Variants in HCN1 observed in about 807,000 individuals in gnomAD.
HCN1 encodes the protein potassium/sodium hyperpolarization-activated cyclic nucleotide-gated channel 1.
A neutral mutation model predicts 78.9 loss-of-function variants in HCN1; 13 were observed. That is an observed-to-expected ratio of 0.16 (90% confidence interval 0.11 to 0.26). The LOEUF is 0.26. HCN1 is among the 10% of genes least tolerant of loss of function. The pLI, the probability that HCN1 is intolerant of heterozygous loss-of-function variation, is 1.00. For missense variants in HCN1, 810 were observed against 1,154.3 expected, an observed-to-expected ratio of 0.70 and a Z score of 4.32; for synonymous variants, 552 against 455.5, an observed-to-expected ratio of 1.21 and a Z score of -2.70.
At chr5:45,489,377 G>A (rs1454146492) in intron 2 of HCN1, among the ~76,000 whole-genome samples, 3 of 152,126 alleles carry the variant, frequency 2.0e-5, no homozygotes, top group East Asian at 1.9e-4. Context: ...GACCAATAGT[G>A]GGGAATCCCT....
chr5:45,657,575 T>G (rs1490628855), intron 1 of HCN1, among the ~76,000 whole-genome samples: 1 of 152,192 alleles, frequency 6.6e-6, no homozygotes, highest in Non-Finnish European at 1.5e-5. Context: ...TTGCACATTT[T>G]GGCTCACTTT....
chr5:45,361,941 A>C (rs1203565119), intron 4 of HCN1, among the ~76,000 whole-genome samples: 2 of 152,148 alleles, frequency 1.3e-5, no homozygotes, highest in Non-Finnish European at 2.9e-5. Flanking sequence ...TTACTAAACA[A>C]GTAAATTGTC....
At chr5:45,629,135 A>G (rs1415149964) in intron 2 of HCN1, among the ~76,000 whole-genome samples, 1 of 152,164 alleles carries the variant, frequency 6.6e-6, no homozygotes, top group African/African-American at 2.4e-5. Flanking sequence ...CACCAAGAGG[A>G]CATAACAATC....
chr5:45,256,741 A>AAATTTTTTTTC lies in HCN1; in HGVS notation c.*5169_*5179dup, dbSNP rs1744623936. 1 of 152,144 alleles carries AAATTTTTTTTC rather than the reference A, an allele frequency of 6.6e-6. No homozygotes were observed. The highest frequency in any genetic ancestry group is 1.5e-5 in the Non-Finnish European group (1 of 68,032). The allele number at this position is 152,144 out of a possible 1,614,324, so 9.4% of individuals were successfully genotyped here. On this transcript the variant is annotated 3_prime_UTR_variant, in exon 8 of 8. Transcript: ENST00000303230. ...GTAAGTATATACTGGTCAATTAAAA[A>AAATTTTTTTTC]AATTTTTTTTCCTTGTAGAGACCAG...
At chr5:45,369,655 T>C (rs1747312330) in intron 4 of HCN1, among the ~76,000 whole-genome samples, 1 of 152,096 alleles carries the variant, frequency 6.6e-6, no homozygotes, top group Non-Finnish European at 1.5e-5. Context: ...ATTAGAATAA[T>C]ACAGATTATA....
chr5:45,620,483 T>C (rs1745037317), intron 2 of HCN1, among the ~76,000 whole-genome samples: 1 of 151,908 alleles, frequency 6.6e-6, no homozygotes, highest in South Asian at 2.1e-4. Flanking sequence ...AAATTAATTT[T>C]TTTAAATTTT....
At chr5:45,314,543 C>T (rs1370237908) in intron 5 of HCN1, among the ~76,000 whole-genome samples, 1 of 152,104 alleles carries the variant, frequency 6.6e-6, no homozygotes, top group Admixed American at 6.5e-5. Context: ...GGGCTAAATG[C>T]TCCAATTAAA....
intron 2 of HCN1, among the ~76,000 whole-genome samples, chr5:45,494,381 G>T (rs917800964): frequency 4.6e-5 from 7 of 152,150 alleles, no homozygotes; most frequent in African/African-American, 1.7e-4. Flanking sequence ...TGTGTTTTTT[G>T]GCTGCATAAA....
At position 45,453,660 on chromosome 5, in the gene HCN1, C is replaced by A. The variant is rs143545893; in HGVS notation, c.1011+8186G>T. 2.4e-3 allele frequency among the ~76,000 whole-genome samples: 369 copies of A among 152,170 alleles called. 3 individuals are homozygous for A. Among genetic ancestry groups the A allele is most frequent in the African/African-American group, 8.3e-3 (346 of 41,528 alleles). On this transcript the variant is annotated intron_variant, in intron 3 of 7. Coordinates refer to ENST00000303230, the MANE Select transcript of HCN1 (RefSeq NM_021072.4). ...CCAAGGGGAAATATGGATTTTATAA[C>A]CAGCTACCATACTGTCTCTGGCTTT...
At chr5:45,269,888 C>G (rs563005876) in intron 6 of HCN1, among the ~76,000 whole-genome samples, 1 of 152,288 alleles carries the variant, frequency 6.6e-6, no homozygotes, top group African/African-American at 2.4e-5. Context: ...CCTTGGCTCC[C>G]GTTCTTTGTA....
chr5:45,517,654 C>T (rs1169058822), intron 2 of HCN1, among the ~76,000 whole-genome samples: 1 of 151,580 alleles, frequency 6.6e-6, no homozygotes, highest in Admixed American at 6.6e-5. Context: ...CGGCTTTGAG[C>T]TTCCAAGGAG....
intron 1 of HCN1, among the ~76,000 whole-genome samples, chr5:45,656,169 G>T (rs1439131753): frequency 6.6e-6 from 1 of 151,980 alleles, no homozygotes; most frequent in South Asian, 2.1e-4. Context: ...ATAATCAATT[G>T]GTCACCTTTT....
At chr5:45,407,250 T>G (rs1162520313) in intron 3 of HCN1, among the ~76,000 whole-genome samples, 2 of 152,154 alleles carry the variant, frequency 1.3e-5, no homozygotes, top group Non-Finnish European at 2.9e-5. Context: ...CCTGTAGCTA[T>G]CATAATGTCA....
At chr5:45,342,490 G>T (rs536431843) in intron 5 of HCN1, among the ~76,000 whole-genome samples, 1 of 151,156 alleles carries the variant, frequency 6.6e-6, no homozygotes. Flanking sequence ...CACCTGCCTC[G>T]GCCACCCAAA....
chr5:45,494,739 C>T (rs1025520749), intron 2 of HCN1, among the ~76,000 whole-genome samples: 5 of 152,044 alleles, frequency 3.3e-5, no homozygotes, highest in African/African-American at 1.2e-4. Flanking sequence ...TTAGGTCTAA[C>T]GTTTAAGTCT....
chr5:45,352,564 C>G (rs530440011), intron 5 of HCN1, among the ~76,000 whole-genome samples: 48 of 151,624 alleles, frequency 3.2e-4, no homozygotes, highest in Non-Finnish European at 6.5e-4. Context: ...TAACCAAGAG[C>G]AAGTTATTTT....
At chr5:45,610,585 T>C (rs1370936718) in intron 2 of HCN1, among the ~76,000 whole-genome samples, 1 of 149,730 alleles carries the variant, frequency 6.7e-6, no homozygotes, top group South Asian at 2.1e-4. Flanking sequence ...GATTAATATA[T>C]ATATTCAAAT....
At chr5:45,320,087 A>G (rs1746092544) in intron 5 of HCN1, among the ~76,000 whole-genome samples, 1 of 151,864 alleles carries the variant, frequency 6.6e-6, no homozygotes. Context: ...AGCTGCTGTT[A>G]CATTGCTAAA....
chr5:45,304,750 T>C (rs1039037844), intron 5 of HCN1, among the ~76,000 whole-genome samples: 2 of 152,132 alleles, frequency 1.3e-5, no homozygotes, highest in African/African-American at 4.8e-5. Context: ...TTCTAAAGAC[T>C]CCTGGGATTC....
Sources: allele counts gnomAD v4.1 joint callset (sites outside exome capture counted in the v4.1 genomes callset), GRCh38; gene constraint gnomAD v4.1.1; transcripts MANE v1.5; gene names NCBI Gene and HGNC (gene_info 2026-07-23, HGNC 2026-07-21).